Variants in NUGGC observed in about 807,000 individuals in gnomAD.
NUGGC encodes the protein nuclear GTPase SLIP-GC.
Under a neutral mutation model 92.6 loss-of-function variants are expected in NUGGC, and 58 were observed. That is an observed-to-expected ratio of 0.63 (90% CI 0.51 to 0.78). NUGGC has a LOEUF of 0.78. NUGGC is among the 30% of genes least tolerant of loss of function. NUGGC has a pLI of 0.00. For missense variants in NUGGC, 925 were observed against 964.6 expected, an observed-to-expected ratio of 0.96 and a Z score of 0.54; for synonymous variants, 376 against 366.4, an observed-to-expected ratio of 1.03 and a Z score of -0.30.
At chr8:28,036,479 G>A (rs1809557568) in intron 13 of NUGGC, among the ~76,000 whole-genome samples, 1 of 151,958 alleles carries the variant, frequency 6.6e-6, no homozygotes, top group South Asian at 2.1e-4. Context: ...CTCTCTCCAG[G>A]CTTCAGTTCC....
rs887716327 is a variant in NUGGC at position 28,047,569 on chromosome 8, A to G, written c.1250T>C (p.Leu417Pro). ...ADFKVLEASD[L>P]VYTVSAQEYW... The stretch of plus-strand genomic sequence containing the variant: ...CTCCTGGGCGCTGACTGTATACACC[A>G]GATCTGAGGCTTCCAGAACCTTGAA... Residue 417 changes from leucine (L) to proline (P), a missense_variant, in exon 11 of 19, where the codon CTG becomes CCG. Physicochemically the swap from Leu to Pro is moderately conservative, Grantham distance 98 (BLOSUM62 -3). Transcript: ENST00000413272. 6.4e-7 allele frequency: 1 copy of G among 1,570,670 alleles called. No individual in the cohort carries two copies. The highest frequency in any genetic ancestry group is 8.6e-7 in the Non-Finnish European group (1 of 1,156,690).
At chr8:28,040,311 A>AATAAAACCACAAG (rs1378227140) in intron 13 of NUGGC, among the ~76,000 whole-genome samples, 16 of 152,366 alleles carry the variant, frequency 1.1e-4, no homozygotes, top group African/African-American at 3.6e-4. Flanking sequence ...TTGTATGCCA[A>AATAAAACCACAAG]TTGAGAGGTT....
intron 6 of NUGGC, among the ~76,000 whole-genome samples, chr8:28,066,691 T>C (rs1810447505): frequency 6.6e-6 from 1 of 152,352 alleles, no homozygotes; most frequent in Admixed American, 6.5e-5. Context: ...AATATTTTGT[T>C]TTAATTCAGA....
chr8:28,069,651 A>G lies in NUGGC; in HGVS notation c.150T>C (p.Tyr50=), dbSNP rs918430484. 7 of 1,577,278 alleles carry G rather than the reference A, an allele frequency of 4.4e-6. No individual in the cohort carries two copies. In the East Asian group the frequency reaches 8.9e-5, roughly 20 times the overall value. Residue 50 remains tyrosine (Y), a splice_region_variant and synonymous_variant, in exon 4 of 19, where the codon TAT becomes TAC. Transcript: ENST00000413272. ...PSMEQSALKE[Y]EKLESRTRRV... is the part of the protein sequence containing the mutation. ...TTCTGGTCCGTGATTCCAATTTTTC[A>G]TCTGGAATTAACAGAGAGATGTCAC... is the stretch of plus-strand genomic sequence containing the variant.
chr8:28,030,276 A>G, intron 16 of NUGGC, 34 bp downstream of exon 16: 1 of 1,158,574 alleles, frequency 8.6e-7, no homozygotes, highest in African/African-American at 1.5e-5. Context: ...AAAGTCCCAG[A>G]GCAGGCAGAA....
intron 13 of NUGGC, among the ~76,000 whole-genome samples, chr8:28,035,836 G>T (rs975719751): frequency 6.6e-6 from 1 of 152,170 alleles, no homozygotes; most frequent in Admixed American, 6.5e-5. Context: ...TTGTTTGTTT[G>T]TTTGTTTTTT....
intron 2 of NUGGC, among the ~76,000 whole-genome samples, chr8:28,071,548 C>T (rs1403486920): frequency 6.6e-6 from 1 of 152,142 alleles, no homozygotes; most frequent in African/African-American, 2.4e-5. Flanking sequence ...GCATAATAAG[C>T]AAGAACAGAA....
intron 10 of NUGGC, among the ~76,000 whole-genome samples, chr8:28,049,614 A>G (rs1809936128): frequency 6.6e-6 from 1 of 152,242 alleles, no homozygotes; most frequent in Non-Finnish European, 1.5e-5. Flanking sequence ...AGAAGTAGAA[A>G]CAGCTACAGC....
intron 4 of NUGGC, among the ~76,000 whole-genome samples, chr8:28,069,338 G>A (rs1189155863): frequency 6.6e-6 from 1 of 152,140 alleles, no homozygotes; most frequent in Non-Finnish European, 1.5e-5. Context: ...TGGGTTAAAT[G>A]ATATTTGACA....
At chr8:28,039,070 C>G (rs192012287) in intron 13 of NUGGC, among the ~76,000 whole-genome samples, 1 of 152,146 alleles carries the variant, frequency 6.6e-6, no homozygotes, top group Admixed American at 6.5e-5. Flanking sequence ...CAGCTGTCAT[C>G]CTCCTGTGTC....
intron 10 of NUGGC, among the ~76,000 whole-genome samples, chr8:28,054,624 C>T (rs1467534375): frequency 6.6e-6 from 1 of 152,246 alleles, no homozygotes; most frequent in Non-Finnish European, 1.5e-5. Context: ...CACTCTCCCT[C>T]TGAGCCTTTC....
At chr8:28,062,688 C>T (rs1038412527) in intron 7 of NUGGC, among the ~76,000 whole-genome samples, 9 of 152,292 alleles carry the variant, frequency 5.9e-5, no homozygotes, top group Middle Eastern at 3.4e-3. Context: ...AATGGTCCAG[C>T]CAGCGGAAGG....
Position 28,047,408 on chromosome 8 carries a change from ATTGT to A in NUGGC, c.1312+95_1312+98del, listed in dbSNP as rs1365096505. ...TGAAACCATGGCAAGCTGGAAAAAA[ATTGT>A]TTGTGTGGCACAAAAAGTTCTAGAG... On this transcript the variant is annotated intron_variant, in intron 11 of 18. Coordinates refer to ENST00000413272, the MANE Select transcript of NUGGC (RefSeq NM_001010906.2). The A allele has an allele frequency of 3.8e-5, 27 of 701,548 alleles. 2 individuals carry two copies. In the South Asian group the frequency reaches 5.0e-4, roughly 13 times the overall value. 43.5% of individuals were successfully genotyped at this position (701,548 alleles called of 1,614,324 possible). A position where few individuals can be genotyped will look rare whatever the true frequency, so the allele number is the denominator to read the frequency against.
At chr8:28,039,846 T>G (rs983919956) in intron 13 of NUGGC, among the ~76,000 whole-genome samples, 7 of 152,200 alleles carry the variant, frequency 4.6e-5, no homozygotes, top group South Asian at 4.1e-4. Context: ...GAGGTTCACA[T>G]GCGAAGCCCT....
intron 7 of NUGGC, among the ~76,000 whole-genome samples, chr8:28,063,713 T>A (rs191820620): frequency 2.0e-5 from 3 of 152,186 alleles, no homozygotes; most frequent in Admixed American, 6.5e-5. Context: ...TTGCTCTAGA[T>A]TGTGACTGGA....
At position 28,067,553 on chromosome 8, in the gene NUGGC, C is replaced by A; in HGVS notation, c.672G>T (p.Lys224Asn). 1.2e-6 allele frequency: 2 copies of A among 1,612,636 alleles called. No individual in the cohort carries two copies. Among genetic ancestry groups the A allele is most frequent in the South Asian group, 2.2e-5 (2 of 90,610 alleles). Residue 224 changes from lysine to asparagine, a missense_variant, in exon 6 of 19, where the codon AAG (lysine) becomes AAT (asparagine). Coordinates refer to ENST00000413272, the MANE Select transcript of NUGGC (RefSeq NM_001010906.2). ...EELLRAKPKRKIPTSRVITLK... is the reference protein window; with the variant it reads ...EELLRAKPKRNIPTSRVITLK... The stretch of plus-strand genomic sequence containing the variant: ...GGGTGATGACTCTGGAGGTGGGGAT[C>A]TTCCTTTTGGGCTTCGCCCTCAGTA...
At chr8:28,045,435 G>T (rs1809804422) in intron 12 of NUGGC, 92 bp downstream of exon 12, 2 of 1,284,992 alleles carry the variant, frequency 1.6e-6, no homozygotes. Context: ...AATATGAAAA[G>T]AAAAAATATC....
intron 13 of NUGGC, among the ~76,000 whole-genome samples, chr8:28,039,289 A>G (rs1337492089): frequency 1.3e-5 from 2 of 151,084 alleles, no homozygotes; most frequent in Non-Finnish European, 2.9e-5. Flanking sequence ...CTGGACTGCA[A>G]TGGCACCATC....
At chr8:28,074,091 G>A (rs565699003) in intron 2 of NUGGC, among the ~76,000 whole-genome samples, 1 of 150,518 alleles carries the variant, frequency 6.6e-6, no homozygotes, top group African/African-American at 2.4e-5. Flanking sequence ...GAGCCACCAT[G>A]CCCAGCCTGG....
Sources: gnomAD v4.1 joint callset for allele counts (sites outside exome capture counted in the v4.1 genomes callset) on GRCh38, gnomAD v4.1.1 for gene constraint, MANE v1.5 for transcripts, NCBI Gene and HGNC (gene_info 2026-07-23, HGNC 2026-07-21) for gene names.